KCNK10: variants seen among roughly 807,000 people sequenced by gnomAD.
KCNK10 encodes potassium two pore domain channel subfamily K member 10.
KCNK10 carries 25 observed loss-of-function variants against 47.7 expected under a neutral mutation model. The ratio of observed to expected loss-of-function variants is 0.52; its 90% CI spans 0.38 to 0.73. KCNK10 has a LOEUF of 0.73. Ranked by LOEUF, KCNK10 falls within the 30% of genes least tolerant of loss-of-function variation. The pLI is 0.00. For missense variants in KCNK10, 563 were observed against 714.5 expected (o/e 0.79, Z 2.42); for synonymous variants, 303 against 285.6 (o/e 1.06, Z -0.61).
intron 1 of KCNK10, among the ~76,000 whole-genome samples, chr14:88,312,531 T>C (rs1247737059): frequency 6.6e-6 from 1 of 152,210 alleles, no homozygotes; most frequent in Non-Finnish European, 1.5e-5. Flanking sequence ...CCCCAGCATT[T>C]CTACTGCTCG....
intron 4 of KCNK10, among the ~76,000 whole-genome samples, chr14:88,197,501 G>A (rs1884951411): frequency 7.0e-6 from 1 of 142,590 alleles, no homozygotes; most frequent in Non-Finnish European, 1.5e-5. Context: ...TTGAACCCGG[G>A]AGGCAGAGGT....
intron 5 of KCNK10, among the ~76,000 whole-genome samples, chr14:88,189,081 G>A (rs1471181108): frequency 1.3e-5 from 2 of 152,198 alleles, no homozygotes; most frequent in Admixed American, 1.3e-4. Flanking sequence ...GGTAACTATC[G>A]TATTAGGTGA....
chr14:88,281,196 C>G (rs1887642482), intron 1 of KCNK10, among the ~76,000 whole-genome samples: 1 of 152,182 alleles, frequency 6.6e-6, no homozygotes, highest in South Asian at 2.1e-4. Flanking sequence ...GGCCTGTCCC[C>G]CATTCTTCCA....
chr14:88,290,086 C>G (rs1013305014), intron 1 of KCNK10, among the ~76,000 whole-genome samples: 1 of 152,142 alleles, frequency 6.6e-6, no homozygotes, highest in African/African-American at 2.4e-5. Context: ...AACCTGTGAG[C>G]ACATTACTTT....
chr14:88,215,468 G>T (rs1453434695), intron 4 of KCNK10, among the ~76,000 whole-genome samples: 1 of 152,106 alleles, frequency 6.6e-6, no homozygotes, highest in Non-Finnish European at 1.5e-5. Context: ...CTCCCACTGG[G>T]TCCCTCCCAC....
intron 1 of KCNK10, among the ~76,000 whole-genome samples, chr14:88,301,954 G>C (rs1275069977): frequency 1.3e-5 from 2 of 152,212 alleles, no homozygotes; most frequent in Non-Finnish European, 2.9e-5. Context: ...AGCAAGGGTA[G>C]AAGAAAGGAG....
intron 2 of KCNK10, among the ~76,000 whole-genome samples, chr14:88,247,386 C>A (rs968241408): frequency 2.6e-5 from 4 of 152,114 alleles, no homozygotes; most frequent in Non-Finnish European, 4.4e-5. Flanking sequence ...AACTGCCACA[C>A]CACCTCAGAG....
intron 4 of KCNK10, among the ~76,000 whole-genome samples, chr14:88,205,542 C>CTTTTTTTTTTTTTTTTTTTTTT (rs200265659): frequency 2.6e-5 from 3 of 115,778 alleles, no homozygotes; most frequent in Non-Finnish European, 1.7e-5. Context: ...CTTTTCTTTT[C>CTTTTTTTTTTTTTTTTTTTTTT]TTTTTTTTTT....
chr14:88,201,028 T>C (rs1288551703), intron 4 of KCNK10, among the ~76,000 whole-genome samples: 1 of 152,160 alleles, frequency 6.6e-6, no homozygotes, highest in Non-Finnish European at 1.5e-5. Context: ...TTGCAAATGA[T>C]CCAAAACAGG....
rs551667432 is a variant in KCNK10, at chr14:88,260,895, A to G, written c.402+2307T>C. ...ACAGAGAAATCTTTGAGGTCAAAAC[A>G]GGACACCAGTCTTAATGGCAGCATC... On this transcript the variant is annotated intron_variant, in intron 2 of 6. Coordinates refer to ENST00000319231, the MANE Select transcript of KCNK10 (RefSeq NM_138317.3). This position sits in a 1 kb window ranked among gnomAD's most constrained non-coding sequence, Gnocchi z 4.5. 1.4e-4 allele frequency among the ~76,000 whole-genome samples: 21 copies of G among 152,246 alleles called. No homozygotes were observed. Among genetic ancestry groups the G allele is most frequent in the Non-Finnish European group, 2.6e-4 (18 of 68,042 alleles).
At chr14:88,324,460 G>C (rs1360027305), upstream of KCNK10, among the ~76,000 whole-genome samples, 2 of 152,202 alleles carry the variant, frequency 1.3e-5, no homozygotes, top group South Asian at 4.1e-4. Flanking sequence ...GTGTTGGATA[G>C]GAAGTAGTTT....
At chr14:88,214,878 G>A (rs1478131699) in intron 4 of KCNK10, among the ~76,000 whole-genome samples, 1 of 152,166 alleles carries the variant, frequency 6.6e-6, no homozygotes, top group African/African-American at 2.4e-5. Flanking sequence ...TAAACCTTTT[G>A]TGAAGGCTCC....
intron 1 of KCNK10, among the ~76,000 whole-genome samples, chr14:88,298,319 T>C (rs940193545): frequency 1.3e-5 from 2 of 152,188 alleles, no homozygotes; most frequent in Admixed American, 6.5e-5. Context: ...TCCTTGAGTA[T>C]ACTTAAAGAC....
intron 1 of KCNK10, among the ~76,000 whole-genome samples, chr14:88,297,335 C>T (rs1352497984): frequency 1.3e-5 from 2 of 152,182 alleles, no homozygotes; most frequent in Admixed American, 6.5e-5. Context: ...TTTGTTGCCA[C>T]TAGGTTGGAG....
intron 1 of KCNK10, among the ~76,000 whole-genome samples, chr14:88,268,267 C>T (rs1049189067): frequency 6.6e-6 from 1 of 152,208 alleles, no homozygotes; most frequent in African/African-American, 2.4e-5. Context: ...ATCCTTGCTG[C>T]GCACAGACAC....
intron 1 of KCNK10, among the ~76,000 whole-genome samples, chr14:88,318,103 G>A (rs1332761349): frequency 1.3e-5 from 2 of 152,206 alleles, no homozygotes; most frequent in African/African-American, 2.4e-5. Context: ...GGTTTAGAGC[G>A]AGCTGGAGCT....
At chr14:88,235,314 A>G (rs760096549) in intron 3 of KCNK10, 1 of 446,836 alleles carries the variant, frequency 2.2e-6, no homozygotes, top group South Asian at 1.6e-5. Flanking sequence ...TTGACCCAGC[A>G]TAAATATAAA....
chr14:88,267,410 G>A (rs1485538564), intron 1 of KCNK10, among the ~76,000 whole-genome samples: 3 of 148,522 alleles, frequency 2.0e-5, no homozygotes, highest in Admixed American at 6.7e-5. Flanking sequence ...TTGCTCTCTC[G>A]CCCAGGCTGG....
chr14:88,280,600 A>G (rs1398300112), intron 1 of KCNK10, among the ~76,000 whole-genome samples: 2 of 152,148 alleles, frequency 1.3e-5, no homozygotes, highest in Admixed American at 6.5e-5. Flanking sequence ...TGACCCAACC[A>G]AAAAAGGAAG....
Sources: allele counts gnomAD v4.1 joint callset (sites outside exome capture counted in the v4.1 genomes callset), GRCh38; gene constraint gnomAD v4.1.1; non-coding constraint Gnocchi (gnomAD v3.1); transcripts MANE v1.5; gene names NCBI Gene and HGNC (gene_info 2026-07-23, HGNC 2026-07-21).